Variants in SRSF6 observed in about 807,000 individuals in gnomAD.
SRSF6 encodes the protein serine and arginine rich splicing factor 6.
A neutral mutation model predicts 42.0 loss-of-function variants in SRSF6; 17 were observed. The observed-to-expected ratio is 0.40, with a 90% CI of 0.28 to 0.61. The LOEUF (loss-of-function observed/expected upper bound fraction) is 0.61, where lower values mean the gene tolerates loss of function less well. SRSF6 is among the 20% of genes least tolerant of loss of function. The probability of loss-of-function intolerance (pLI) is 0.37; values close to 1 mark genes in which losing one functional copy is unlikely to be tolerated. For missense variants in SRSF6, 379 were observed against 471.4 expected, an observed-to-expected ratio of 0.80 and a Z score of 1.81; for synonymous variants, 204 against 166.7, an observed-to-expected ratio of 1.22 and a Z score of -1.72.
At chr20:43,459,654 T>C (rs2017552257) in intron 2 of SRSF6, 117 bp from the exon 3 acceptor site, 1 of 1,513,310 alleles carries the variant, frequency 6.6e-7, no homozygotes, top group Non-Finnish European at 9.0e-7. Flanking sequence ...GGTTTAGCAA[T>C]ATAATAGCAA....
chr20:43,463,960 T>A lies in SRSF6; in HGVS notation c.*2897T>A, dbSNP rs2017645924. 6.6e-6 allele frequency: 1 copy of A among 152,256 alleles called. No homozygotes were observed. The highest frequency in any genetic ancestry group is 1.5e-5 in the Non-Finnish European group (1 of 68,042). The allele number at this position is 152,256 out of a possible 1,614,324, so 9.4% of individuals were successfully genotyped here. ...GGAATCTACTTGCTAATGCAGCTGC[T>A]GTTAACAGTTCTTGTATCTGCTCAA... is the stretch of plus-strand genomic sequence containing the variant. On this transcript the variant is annotated 3_prime_UTR_variant, in exon 6 of 6. Coordinates refer to ENST00000244020, the MANE Select transcript of SRSF6 (RefSeq NM_006275.6).
In SRSF6 at chr20:43,463,972, T is replaced by C. The variant is rs904324362; in HGVS notation, c.*2909T>C. Reference sequence around the variant, plus strand: ...CTAATGCAGCTGCTGTTAACAGTTCTTGTATCTGCTCAAGAGATTTCTATG... The same window carrying C: ...CTAATGCAGCTGCTGTTAACAGTTCCTGTATCTGCTCAAGAGATTTCTATG... On this transcript the variant is annotated 3_prime_UTR_variant, in exon 6 of 6. Transcript: ENST00000244020. 6.6e-6 allele frequency: 1 copy of C among 152,246 alleles called. No homozygotes were observed. Among genetic ancestry groups the C allele is most frequent in the Non-Finnish European group, 1.5e-5 (1 of 68,034 alleles). The allele number at this position is 152,246 out of a possible 1,614,324, so 9.4% of individuals were successfully genotyped here. A position where few individuals can be genotyped will look rare whatever the true frequency, so the allele number is the denominator to read the frequency against.
rs1442615017 is a variant in SRSF6 at position 43,460,230 on chromosome 20, A to T, written c.579A>T (p.Gly193=). ...CAAGCCATAGGCGATCTTACTCTGG[A>T]AGCAGATCCAGGTAACTTGTTGAAG... ...PRTSHRRSYS[G]SRSRSRSRRR... Residue 193 remains glycine, a synonymous_variant, in exon 4 of 6, where the codon GGA becomes GGT. Coordinates refer to ENST00000244020, the MANE Select transcript of SRSF6 (RefSeq NM_006275.6). 6.2e-7 allele frequency: 1 copy of T among 1,614,104 alleles called. No homozygotes were observed. The highest frequency in any genetic ancestry group is 8.5e-7 in the Non-Finnish European group (1 of 1,179,950).
chr20:43,458,116 T>C lies in SRSF6; in HGVS notation c.83T>C (p.Leu28Pro). The C allele has an allele frequency of 6.2e-7, 1 of 1,613,326 alleles. No individual in the cohort carries two copies. Among genetic ancestry groups the C allele is most frequent in the South Asian group, 1.1e-5 (1 of 91,038 alleles). The change falls in exon 1 of 6, where the codon CTC (leucine) becomes CCC (proline). Residue 28 changes from leucine to proline, a missense_variant. This residue lies in a region of SRSF6 where 117 missense variants were observed against 146.8 expected (regional missense o/e 0.80). Coordinates refer to ENST00000244020, the MANE Select transcript of SRSF6 (RefSeq NM_006275.6). ...CGCTTTTTCAGTGGCTATGGCCGCC[T>C]CCTCGAAGTAGACCTCAAAAATGGG... ...IQRFFSGYGRLLEVDLKNGYG... is the reference protein window; with the variant it reads ...IQRFFSGYGRPLEVDLKNGYG...
chr20:43,458,217 C>T, intron 1 of SRSF6, 77 bp downstream of exon 1: 6 of 1,494,266 alleles, frequency 4.0e-6, no homozygotes, highest in Non-Finnish European at 5.4e-6. Context: ...AAGAAGCGGC[C>T]AAGGCCGCGG....
chr20:43,461,399 AGGGTTTTTTTGTTT>A lies in SRSF6; in HGVS notation c.*337_*350del, dbSNP rs2017596886. On this transcript the variant is annotated 3_prime_UTR_variant, in exon 6 of 6. Transcript: ENST00000244020. ...TAGTATTTCAGCAGGATCTGCTGGC[AGGGTTTTTTTGTTT>A]TATTTGTTTGCTTATTTTTAAATTA... The A allele has an allele frequency of 2.2e-5, 2 of 89,980 alleles. No homozygotes were observed. The highest frequency in any genetic ancestry group is 3.7e-5 in the Non-Finnish European group (2 of 53,484). 5.6% of individuals were successfully genotyped at this position (89,980 alleles called of 1,614,324 possible).
At chr20:43,459,650 G>A in intron 2 of SRSF6, 121 bp from the exon 3 acceptor site, 2 of 1,494,026 alleles carry the variant, frequency 1.3e-6, no homozygotes, top group Non-Finnish European at 1.8e-6. Context: ...CGAAGGTTTA[G>A]CAATATAATA....
At position 43,459,537 on chromosome 20, in the gene SRSF6, A is replaced by G. The variant is rs755433425; in HGVS notation, c.257-234A>G. The G allele has an allele frequency of 9.1e-6, 12 of 1,319,920 alleles. No homozygotes were observed. The East Asian group carries it at 2.5e-4, about 28-fold the overall frequency. 81.8% of individuals were successfully genotyped at this position (1,319,920 alleles called of 1,614,324 possible). ...AATAAAACTTAGCGAGGTAAATCGA[A>G]TAAAGGAGCAGTCACTCTCTAACAG... is the stretch of plus-strand genomic sequence containing the variant. On this transcript the variant is annotated intron_variant, in intron 2 of 5. Coordinates refer to ENST00000244020, the MANE Select transcript of SRSF6 (RefSeq NM_006275.6).
rs781128420 is a variant in SRSF6, at chr20:43,463,278, CTG to C, written c.*2219_*2220del. On this transcript the variant is annotated 3_prime_UTR_variant, in exon 6 of 6. Coordinates refer to ENST00000244020, the MANE Select transcript of SRSF6 (RefSeq NM_006275.6). ...CTCAGTCACTGGATGCACAAAATCA[CTG>C]TGTAACATTGGCTCACTTGGTGAGC... The C allele has an allele frequency of 7.1e-5, 11 of 154,836 alleles. No individual in the cohort carries two copies. The highest frequency in any genetic ancestry group is 2.2e-4 in the African/African-American group (9 of 41,530). 9.6% of individuals were successfully genotyped at this position (154,836 alleles called of 1,614,324 possible). A position where few individuals can be genotyped will look rare whatever the true frequency, so the allele number is the denominator to read the frequency against.
chr20:43,458,488 G>A lies in SRSF6; in HGVS notation c.235G>A (p.Gly79Ser). 2 of 1,509,542 alleles carry A rather than the reference G, an allele frequency of 1.3e-6. No homozygotes were observed. Among genetic ancestry groups the A allele is most frequent in the Non-Finnish European group, 1.8e-6 (2 of 1,134,546 alleles). 93.5% of individuals were successfully genotyped at this position (1,509,542 alleles called of 1,614,324 possible). A position where few individuals can be genotyped will look rare whatever the true frequency, so the allele number is the denominator to read the frequency against. ...CCGGGGCCCGCGTCGCGATCGCGAC[G>A]GCTACAGCTACGGAAGCCGCAGTGA... ...HARGPRRDRDGYSYGSRSGGG... is the reference protein window; with the variant it reads ...HARGPRRDRDSYSYGSRSGGG... Residue 79 changes from glycine to serine, a missense_variant, in exon 2 of 6, where the codon GGC becomes AGC. Gly to Ser is a moderately conservative substitution (Grantham distance 56). Around this residue, in one of 3 missense-constraint regions of SRSF6, gnomAD observed 117 missense variants for 146.8 expected, o/e 0.80. Coordinates refer to ENST00000244020, the MANE Select transcript of SRSF6 (RefSeq NM_006275.6).
rs141930166 is a variant in SRSF6, at chr20:43,460,846, G to A, written c.818G>A (p.Arg273Gln). 1,153 of 1,614,106 alleles carry A rather than the reference G, an allele frequency of 7.1e-4. 13 individuals are homozygous for A. The East Asian group carries it at 0.022, about 31-fold the overall frequency. ...TCTAAGGATGAGTATGAGAAATCTCGAAGCAGGTCTCGGTCCCGATCCCCT... is the reference window on the plus strand; with the variant it reads ...TCTAAGGATGAGTATGAGAAATCTCAAAGCAGGTCTCGGTCCCGATCCCCT... ...SRSKDEYEKS[R>Q]SRSRSRSPKE... The change falls in exon 6 of 6, where the codon CGA becomes CAA. Residue 273 changes from arginine (R) to glutamine (Q), a missense_variant. Around this residue, in one of 3 missense-constraint regions of SRSF6, gnomAD observed 219 missense variants for 216.1 expected, o/e 1.01. Transcript: ENST00000244020.
At position 43,462,047 on chromosome 20, in the gene SRSF6, TTA is replaced by T. The variant is rs1163897800; in HGVS notation, c.*986_*987del. On this transcript the variant is annotated 3_prime_UTR_variant, in exon 6 of 6. Coordinates refer to ENST00000244020, the MANE Select transcript of SRSF6 (RefSeq NM_006275.6). ...TACTGCATTTTCTGCTGAAAGATCA[TTA>T]TGTTTAACAGGCACTTAATCTCAGT... 6.6e-6 allele frequency: 1 copy of T among 152,208 alleles called. No individual in the cohort carries two copies. The highest frequency in any genetic ancestry group is 2.4e-5 in the African/African-American group (1 of 41,462). The allele number at this position is 152,208 out of a possible 1,614,324, so 9.4% of individuals were successfully genotyped here.
At chr20:43,460,364 A>C in intron 4 of SRSF6, 123 bp downstream of exon 4, 6 of 1,346,134 alleles carry the variant, frequency 4.5e-6, no homozygotes, top group Non-Finnish European at 6.2e-6. Flanking sequence ...TTGGCTGTGC[A>C]TCATTGCGTT....
intron 4 of SRSF6, 57 bp from the exon 5 acceptor site, chr20:43,460,458 G>T: frequency 1.3e-6 from 2 of 1,557,480 alleles, no homozygotes; most frequent in Non-Finnish European, 1.8e-6. Context: ...TTGCCAGATG[G>T]CACGGATGTA....
rs779384024 is a variant in SRSF6, at chr20:43,460,894, T to A, written c.866T>A (p.Ile289Lys). The A allele has an allele frequency of 6.2e-7, 1 of 1,613,934 alleles. No homozygotes were observed. The highest frequency in any genetic ancestry group is 1.3e-5 in the African/African-American group (1 of 74,880). Residue 289 changes from isoleucine (I) to lysine (K), a missense_variant, in exon 6 of 6, where the codon ATA (isoleucine) becomes AAA (lysine). Ile to Lys is a moderately radical substitution (Grantham distance 102, BLOSUM62 -3). Around this residue, in one of 3 missense-constraint regions of SRSF6, gnomAD observed 219 missense variants for 216.1 expected, o/e 1.01. Transcript: ENST00000244020. ...CCTAAAGAAAATGGAAAGGGTGATA[T>A]AAAGTCAAAATCCAGATCAAGGAGC... is the stretch of plus-strand genomic sequence containing the variant. ...RSPKENGKGD[I>K]KSKSRSRSQS... is the part of the protein sequence containing the mutation.
chr20:43,462,818 A>G lies in SRSF6; in HGVS notation c.*1755A>G, dbSNP rs2017625777. On this transcript the variant is annotated 3_prime_UTR_variant, in exon 6 of 6. Transcript: ENST00000244020. ...ATTATCTTATTTTCTTTGATACTTT[A>G]TTTAATTAGATGTTTATAAAGAAAT... The G allele has an allele frequency of 6.6e-6, 1 of 152,572 alleles. No homozygotes were observed. The highest frequency in any genetic ancestry group is 1.5e-5 in the Non-Finnish European group (1 of 68,020). The allele number at this position is 152,572 out of a possible 1,614,324, so 9.5% of individuals were successfully genotyped here.
chr20:43,459,563 A>G (rs1236650415), intron 2 of SRSF6: 9 of 1,277,070 alleles, frequency 7.0e-6, no homozygotes, highest in Non-Finnish European at 9.4e-6. Context: ...TCTCTAACAG[A>G]TTGTAGGAGA....
In SRSF6 at chr20:43,460,909, G is replaced by A; in HGVS notation, c.881G>A (p.Arg294Lys). The change falls in exon 6 of 6, where the codon AGA becomes AAA. Residue 294 changes from arginine (R) to lysine (K), a missense_variant. Coordinates refer to ENST00000244020, the MANE Select transcript of SRSF6 (RefSeq NM_006275.6). ...AAGGGTGATATAAAGTCAAAATCCA[G>A]ATCAAGGAGCCAGTCCCGTTCCAAT... ...NGKGDIKSKS[R>K]SRSQSRSNSP... The A allele has an allele frequency of 6.2e-7, 1 of 1,614,098 alleles. No individual in the cohort carries two copies. Among genetic ancestry groups the A allele is most frequent in the Non-Finnish European group, 8.5e-7 (1 of 1,180,018 alleles).
rs1185865662 is a variant in SRSF6, at chr20:43,462,482, A to T, written c.*1419A>T. 1 of 152,194 alleles carries T rather than the reference A, an allele frequency of 6.6e-6. No homozygotes were observed. The highest frequency in any genetic ancestry group is 1.5e-5 in the Non-Finnish European group (1 of 68,022). The allele number at this position is 152,194 out of a possible 1,614,324, so 9.4% of individuals were successfully genotyped here. A position where few individuals can be genotyped will look rare whatever the true frequency, so the allele number is the denominator to read the frequency against. ...GGCTCAGCTTTAATACCTTTCTAGG[A>T]GGTGTCACAATGTAGGGTACCAAGG... On this transcript the variant is annotated 3_prime_UTR_variant, in exon 6 of 6. Coordinates refer to ENST00000244020, the MANE Select transcript of SRSF6 (RefSeq NM_006275.6).
Sources: allele counts gnomAD v4.1 joint callset, GRCh38; gene constraint gnomAD v4.1.1; regional missense constraint gnomAD v4.1.1; transcripts MANE v1.5; gene names NCBI Gene and HGNC (gene_info 2026-07-23, HGNC 2026-07-21).